Variants in CLIP4 observed in about 807,000 individuals in gnomAD.
CLIP4 encodes CAP-Gly domain-containing linker protein 4.
CLIP4 carries 47 observed loss-of-function variants against 73.1 expected under a neutral mutation model. The ratio of observed to expected loss-of-function variants is 0.64; its 90% CI spans 0.51 to 0.82. CLIP4 has a LOEUF of 0.82. CLIP4 is among the 40% of genes least tolerant of loss of function. The pLI is 0.00. For missense variants in CLIP4, 874 were observed against 852.9 expected (o/e 1.02, Z -0.31); for synonymous variants, 306 against 295.4 (o/e 1.04, Z -0.37).
At chr2:29,139,458 T>C (rs1195156800) in intron 6 of CLIP4, among the ~76,000 whole-genome samples, 1 of 152,148 alleles carries the variant, frequency 6.6e-6, no homozygotes, top group Non-Finnish European at 1.5e-5. Flanking sequence ...TTGTTGTGTC[T>C]TTGCCAGATT....
intron 12 of CLIP4, among the ~76,000 whole-genome samples, chr2:29,160,946 G>A (rs916191561): frequency 6.6e-5 from 10 of 151,902 alleles, no homozygotes; most frequent in Admixed American, 1.3e-4. Flanking sequence ...CAATCTATAC[G>A]TAACATTGTT....
intron 2 of CLIP4, chr2:29,130,137 C>G (rs1161272197): frequency 2.2e-6 from 1 of 459,196 alleles, no homozygotes; most frequent in African/African-American, 2.0e-5. Flanking sequence ...CTCTAGAACT[C>G]CATGGCTGGG....
intron 11 of CLIP4, 29 bp downstream of exon 11, chr2:29,157,376 C>T: frequency 3.1e-6 from 5 of 1,613,838 alleles, no homozygotes; most frequent in Non-Finnish European, 4.2e-6. Flanking sequence ...ACCAGGCTTT[C>T]TTGGTGTTTT....
chr2:29,148,218 G>A (rs1666301491), intron 8 of CLIP4, among the ~76,000 whole-genome samples: 1 of 152,212 alleles, frequency 6.6e-6, no homozygotes, highest in African/African-American at 2.4e-5. Context: ...ACTTAAGGTG[G>A]AGGGGAGGGG....
intron 1 of CLIP4, 38 bp from the exon 2 acceptor site, chr2:29,121,336 A>C (rs759304329): frequency 1.3e-6 from 2 of 1,553,378 alleles, no homozygotes; most frequent in Non-Finnish European, 1.7e-6. Flanking sequence ...TTGCATACAA[A>C]TAAAGTAGAA....
chr2:29,145,927 C>T (rs1160386869), intron 8 of CLIP4, among the ~76,000 whole-genome samples: 2 of 152,186 alleles, frequency 1.3e-5, no homozygotes, highest in Non-Finnish European at 2.9e-5. Context: ...GGTTATCTGC[C>T]CACCTTGGCC....
chr2:29,155,402 GTA>G (rs1261147468), intron 9 of CLIP4, among the ~76,000 whole-genome samples: 1 of 41,610 alleles, frequency 2.4e-5, no homozygotes, highest in Admixed American at 3.9e-4. Context: ...ACACCCAAGT[GTA>G]TACACACACA....
At chr2:29,151,638 G>GCACTCACTT (rs1335219944) in intron 8 of CLIP4, among the ~76,000 whole-genome samples, 2 of 152,104 alleles carry the variant, frequency 1.3e-5, no homozygotes, top group Non-Finnish European at 2.9e-5. Context: ...TATTAACAAA[G>GCACTCACTT]CACTCACTTC....
At chr2:29,176,343 T>A (rs1214368111) in intron 15 of CLIP4, among the ~76,000 whole-genome samples, 1 of 152,298 alleles carries the variant, frequency 6.6e-6, no homozygotes, top group Non-Finnish European at 1.5e-5. Context: ...TTCATCAAAC[T>A]CTGCTCCATG....
At chr2:29,100,200 G>A (rs1668000381) in intron 1 of CLIP4, among the ~76,000 whole-genome samples, 1 of 152,082 alleles carries the variant, frequency 6.6e-6, no homozygotes. Flanking sequence ...AAAATTCTGG[G>A]ATTACAGGCA....
intron 8 of CLIP4, among the ~76,000 whole-genome samples, chr2:29,148,822 T>G (rs763398576): frequency 7.9e-5 from 12 of 152,300 alleles, no homozygotes; most frequent in Admixed American, 7.2e-4. Context: ...AGTTTGTTGG[T>G]TGACTTGTTT....
chr2:29,102,621 C>T (rs1668082578), intron 1 of CLIP4, among the ~76,000 whole-genome samples: 1 of 151,708 alleles, frequency 6.6e-6, no homozygotes, highest in African/African-American at 2.4e-5. Flanking sequence ...GCATCACTTC[C>T]TTTTCTTTTC....
chr2:29,169,676 A>G (rs1222588817), intron 14 of CLIP4, among the ~76,000 whole-genome samples: 2 of 152,122 alleles, frequency 1.3e-5, no homozygotes, highest in Non-Finnish European at 2.9e-5. Context: ...TGATGCACGT[A>G]TACAATGTGT....
chr2:29,178,692 A>T (rs954962818), intron 15 of CLIP4, among the ~76,000 whole-genome samples: 3 of 152,238 alleles, frequency 2.0e-5, no homozygotes, highest in Admixed American at 2.0e-4. Context: ...CTAGTAATAG[A>T]TGCCAGACTT....
At chr2:29,104,646 G>A (rs1668149162) in intron 1 of CLIP4, among the ~76,000 whole-genome samples, 1 of 152,140 alleles carries the variant, frequency 6.6e-6, no homozygotes, top group African/African-American at 2.4e-5. Flanking sequence ...CTTGGGAGTG[G>A]CCAGTCTCAG....
At chr2:29,154,637 A>G (rs1228754437) in intron 9 of CLIP4, among the ~76,000 whole-genome samples, 1 of 152,172 alleles carries the variant, frequency 6.6e-6, no homozygotes, top group East Asian at 1.9e-4. Flanking sequence ...GTGTCAGGGA[A>G]ATCATAGAGA....
intron 11 of CLIP4, among the ~76,000 whole-genome samples, chr2:29,159,441 G>A (rs1667142610): frequency 6.6e-6 from 1 of 152,114 alleles, no homozygotes; most frequent in Admixed American, 6.5e-5. Flanking sequence ...ATGTTTAATA[G>A]TGGGCATTTC....
At chr2:29,108,648 C>T (rs1668301769) in intron 1 of CLIP4, among the ~76,000 whole-genome samples, 1 of 152,190 alleles carries the variant, frequency 6.6e-6, no homozygotes, top group South Asian at 2.1e-4. Context: ...CTTTTTACAT[C>T]TATCCCTCCA....
intron 11 of CLIP4, among the ~76,000 whole-genome samples, 168 bp from the exon 12 acceptor site, chr2:29,160,165 T>C (rs1206017030): frequency 6.6e-6 from 1 of 152,242 alleles, no homozygotes; most frequent in Non-Finnish European, 1.5e-5. Flanking sequence ...AACACAACTG[T>C]AGATGACTTA....
Sources: allele counts gnomAD v4.1 joint callset (sites outside exome capture counted in the v4.1 genomes callset), GRCh38; gene constraint gnomAD v4.1.1; transcripts MANE v1.5; gene names NCBI Gene and HGNC (gene_info 2026-07-23, HGNC 2026-07-21).